The following BPGM variants were observed in gnomAD, a reference collection of about 807,000 sequenced individuals.
BPGM encodes bisphosphoglycerate mutase.
BPGM carries 15 observed loss-of-function variants against 21.6 expected under a neutral mutation model. That is an observed-to-expected ratio of 0.70 (90% CI 0.47 to 1.07). The LOEUF is 1.07. Among genes scored for constraint, BPGM ranks in the 50% least tolerant of loss-of-function variants. The pLI is 0.00. For synonymous variants in BPGM, 113 were observed against 116.2 expected, an observed-to-expected ratio of 0.97 and a Z score of 0.18; for missense variants, 273 against 319.0, an observed-to-expected ratio of 0.86 and a Z score of 1.10.
At chr7:134,662,807 T>A (rs933168493) in intron 2 of BPGM, among the ~76,000 whole-genome samples, 1 of 152,218 alleles carries the variant, frequency 6.6e-6, no homozygotes, top group African/African-American at 2.4e-5. Context: ...CAGCCATAAT[T>A]TTAACTACTT....
intron 2 of BPGM, among the ~76,000 whole-genome samples, chr7:134,672,521 T>C (rs1317655665): frequency 6.6e-6 from 1 of 152,178 alleles, no homozygotes; most frequent in African/African-American, 2.4e-5. Context: ...CACTAAGTAA[T>C]GACAACTGTA....
chr7:134,662,029 T>C lies in BPGM; in HGVS notation c.522T>C (p.Ala174=). 5 of 1,614,150 alleles carry C rather than the reference T, an allele frequency of 3.1e-6. No individual in the cohort carries two copies. Among genetic ancestry groups the C allele is most frequent in the Non-Finnish European group, 4.2e-6 (5 of 1,180,020 alleles). ...TTCCCTATTGGAATGAAAGGATTGC[T>C]CCCGAAGTATTACGTGGCAAAACCA... The part of the protein sequence containing the change: ...RLLPYWNERI[A]PEVLRGKTIL... The change falls in exon 2 of 3, where the codon GCT becomes GCC. Residue 174 remains alanine, a synonymous_variant. Transcript: ENST00000344924.
chr7:134,650,810 C>G (rs557914083), intron 1 of BPGM, among the ~76,000 whole-genome samples: 2 of 152,092 alleles, frequency 1.3e-5, no homozygotes. Context: ...CTGTGGTCCC[C>G]GCTACTCAGG....
At chr7:134,657,971 T>C (rs1015331141) in intron 1 of BPGM, among the ~76,000 whole-genome samples, 7 of 152,186 alleles carry the variant, frequency 4.6e-5, no homozygotes, top group African/African-American at 1.7e-4. Context: ...GAGGTTTCCC[T>C]TTAAGTCAGA....
intron 2 of BPGM, among the ~76,000 whole-genome samples, chr7:134,666,375 G>A (rs1795821760): frequency 6.6e-6 from 1 of 152,176 alleles, no homozygotes; most frequent in Non-Finnish European, 1.5e-5. Context: ...GCCAGAGAGG[G>A]AGGTATCTAT....
chr7:134,674,004 C>G (rs1468760447), intron 2 of BPGM, among the ~76,000 whole-genome samples: 1 of 151,466 alleles, frequency 6.6e-6, no homozygotes, highest in Non-Finnish European at 1.5e-5. Context: ...CCTCCACCTC[C>G]CAGGATCAAG....
At chr7:134,656,386 T>C (rs977927157) in intron 1 of BPGM, among the ~76,000 whole-genome samples, 3 of 152,202 alleles carry the variant, frequency 2.0e-5, no homozygotes, top group South Asian at 2.1e-4. Context: ...AATTGCCTTA[T>C]TAATAATTTT....
At chr7:134,654,688 G>A (rs4142277) in intron 1 of BPGM, among the ~76,000 whole-genome samples, 88,961 of 151,984 alleles carry the variant, frequency 0.59, 27,047 homozygotes, top group East Asian at 0.89. Flanking sequence ...AGATGTAACC[G>A]TGGAAGAGCT....
intron 1 of BPGM, among the ~76,000 whole-genome samples, chr7:134,658,959 A>G (rs542644992): frequency 8.6e-5 from 13 of 151,774 alleles, no homozygotes; most frequent in Admixed American, 7.2e-4. Flanking sequence ...GGAGAATAAG[A>G]TACCACAAAG....
At chr7:134,670,729 A>C (rs190119133) in intron 2 of BPGM, among the ~76,000 whole-genome samples, 1 of 152,290 alleles carries the variant, frequency 6.6e-6, no homozygotes, top group African/African-American at 2.4e-5. Flanking sequence ...TTGAATTGTG[A>C]CTTACTTGAC....
intron 1 of BPGM, among the ~76,000 whole-genome samples, chr7:134,648,620 G>T (rs2131409777): frequency 6.6e-6 from 1 of 152,194 alleles, no homozygotes; most frequent in South Asian, 2.1e-4. Flanking sequence ...ATTGGCTTTA[G>T]TCCTGAAACT....
At chr7:134,664,728 C>T (rs113215236) in intron 2 of BPGM, among the ~76,000 whole-genome samples, 1,669 of 152,208 alleles carry the variant, frequency 0.011, 37 homozygotes, top group African/African-American at 0.038. Flanking sequence ...TAAATGGGGT[C>T]TATCTATACA....
At chr7:134,669,696 T>C (rs1047444863) in intron 2 of BPGM, among the ~76,000 whole-genome samples, 12 of 152,196 alleles carry the variant, frequency 7.9e-5, no homozygotes, top group Admixed American at 5.9e-4. Flanking sequence ...TTATATAATA[T>C]CTCTGCTCAT....
At chr7:134,657,635 C>T (rs1168505800) in intron 1 of BPGM, among the ~76,000 whole-genome samples, 1 of 151,940 alleles carries the variant, frequency 6.6e-6, no homozygotes, top group South Asian at 2.1e-4. Flanking sequence ...GGCATGAGCA[C>T]CCCCCACTAG....
intron 1 of BPGM, among the ~76,000 whole-genome samples, chr7:134,650,495 A>T (rs1795538489): frequency 6.6e-6 from 1 of 152,236 alleles, no homozygotes; most frequent in Admixed American, 6.5e-5. Flanking sequence ...ATGTTCTTAT[A>T]ACTGCAAGTA....
rs148226779 is a variant in BPGM, at chr7:134,657,469, G to T, written c.-61-3978G>T. Among the ~76,000 whole-genome samples, 11 of 152,308 alleles carry T rather than the reference G, an allele frequency of 7.2e-5. No homozygotes were observed. In the East Asian group the frequency reaches 1.7e-3, roughly 24 times the overall value. ...TTTCAAGGAGTTTAATTGTTAGTTT[G>T]CAGTTAATAAATGAGGGCAAGAGAA... On this transcript the variant is annotated intron_variant, in intron 1 of 2. Transcript: ENST00000344924.
rs1328519292 is a variant in BPGM, at chr7:134,665,618, AAAAAT to A, written c.601+3530_601+3534del. ...ACCCTAAAACTTAGAGTATAATAAA[AAAAAT>A]AAAATAAAATAAAATAAAAATTAAT... On this transcript the variant is annotated intron_variant, in intron 2 of 2. Transcript: ENST00000344924. Among the ~76,000 whole-genome samples, 33 of 26,346 alleles carry A rather than the reference AAAAAT, an allele frequency of 1.3e-3. 4 individuals are homozygous for A. Among genetic ancestry groups the A allele is most frequent in the African/African-American group, 2.0e-3 (6 of 3,002 alleles). 17.3% of individuals were successfully genotyped at this position (26,346 alleles called of 152,430 possible).
intron 1 of BPGM, among the ~76,000 whole-genome samples, chr7:134,648,687 AT>A (rs11395166): frequency 6.7e-6 from 1 of 149,618 alleles, no homozygotes; most frequent in Non-Finnish European, 1.5e-5. Flanking sequence ...TAATTTTTGC[AT>A]TTTTTTTTTG....
intron 1 of BPGM, among the ~76,000 whole-genome samples, chr7:134,659,372 C>CGTGTGTGTGTGTGT (rs66893203): frequency 2.8e-5 from 4 of 145,390 alleles, no homozygotes; most frequent in Admixed American, 6.8e-5. Context: ...CACACCCCTC[C>CGTGTGTGTGTGTGT]GTGTGTGTGT....
Sources: allele counts gnomAD v4.1 joint callset (sites outside exome capture counted in the v4.1 genomes callset), GRCh38; gene constraint gnomAD v4.1.1; transcripts MANE v1.5; gene names NCBI Gene and HGNC (gene_info 2026-07-23, HGNC 2026-07-21).